GPR39: variants seen among roughly 807,000 people sequenced by gnomAD.
GPR39 encodes zinc sensing receptor.
A neutral mutation model predicts 18.4 loss-of-function variants in GPR39; 23 were observed. The observed-to-expected ratio is 1.25, with a 90% CI of 0.90 to 1.77. The LOEUF (loss-of-function observed/expected upper bound fraction) is 1.77, where lower values mean the gene tolerates loss of function less well. GPR39 is among the 40% of genes most tolerant of loss of function. GPR39 has a pLI of 0.00. For missense variants in GPR39, 647 were observed against 602.4 expected, an observed-to-expected ratio of 1.07 and a Z score of -0.78; for synonymous variants, 280 against 257.9, an observed-to-expected ratio of 1.09 and a Z score of -0.82.
chr2:132,587,991 G>T (rs1240196212), intron 1 of GPR39, among the ~76,000 whole-genome samples: 2 of 152,208 alleles, frequency 1.3e-5, no homozygotes, highest in African/African-American at 4.8e-5. Context: ...CATGGTAAGG[G>T]TGCTGAGGTG....
chr2:132,483,482 C>T (rs957773086), intron 1 of GPR39, among the ~76,000 whole-genome samples: 5 of 152,192 alleles, frequency 3.3e-5, no homozygotes, highest in Non-Finnish European at 5.9e-5. Context: ...TGTATGCCTT[C>T]CATGTTGTGA....
intron 1 of GPR39, among the ~76,000 whole-genome samples, chr2:132,520,553 AACTGATGATGAG>A (rs1354690668): frequency 1.3e-5 from 2 of 152,208 alleles, no homozygotes; most frequent in Admixed American, 1.3e-4. Context: ...TACAAGAGGG[AACTGATGATGAG>A]ACTAAGTCTT....
At chr2:132,603,551 ATGTT>A (rs1438320945) in intron 1 of GPR39, among the ~76,000 whole-genome samples, 1 of 152,184 alleles carries the variant, frequency 6.6e-6, no homozygotes, top group African/African-American at 2.4e-5. Context: ...GAAATGAGAA[ATGTT>A]TGAGGTGATA....
At chr2:132,523,367 T>G (rs1343455122) in intron 1 of GPR39, among the ~76,000 whole-genome samples, 1 of 152,242 alleles carries the variant, frequency 6.6e-6, no homozygotes, top group Non-Finnish European at 1.5e-5. Flanking sequence ...TTCTGATGGT[T>G]AACAGATGAA....
intron 1 of GPR39, among the ~76,000 whole-genome samples, chr2:132,546,471 A>G (rs565622357): frequency 6.6e-6 from 1 of 152,252 alleles, no homozygotes; most frequent in East Asian, 1.9e-4. Context: ...TAATCCTGAG[A>G]CCGTAAGTTG....
At position 132,549,543 on chromosome 2, in the gene GPR39, C is replaced by T. The variant is rs188767285; in HGVS notation, c.857-95558C>T. On this transcript the variant is annotated intron_variant, in intron 1 of 1. Transcript: ENST00000329321. ...GTGGCTCACGCCTGTAATCCCAGCACTTTGGGAGACAGAGGCGGGTGTATC... is the reference window on the plus strand; with the variant it reads ...GTGGCTCACGCCTGTAATCCCAGCATTTTGGGAGACAGAGGCGGGTGTATC... Among the ~76,000 whole-genome samples, 737 of 152,306 alleles carry T rather than the reference C, an allele frequency of 4.8e-3. 5 individuals are homozygous for T. The highest frequency in any genetic ancestry group is 7.8e-3 in the Non-Finnish European group (532 of 68,028).
chr2:132,591,679 T>C (rs974584560), intron 1 of GPR39, among the ~76,000 whole-genome samples: 4 of 152,276 alleles, frequency 2.6e-5, no homozygotes, highest in African/African-American at 9.6e-5. Flanking sequence ...CAATTTATGG[T>C]GGAATTGTAA....
intron 1 of GPR39, among the ~76,000 whole-genome samples, chr2:132,522,795 G>A (rs973000748): frequency 6.6e-5 from 10 of 152,184 alleles, no homozygotes; most frequent in Non-Finnish European, 1.3e-4. Flanking sequence ...TGACTCAGGA[G>A]CCTCCATGTG....
At chr2:132,454,353 G>A (rs1680682054) in intron 1 of GPR39, among the ~76,000 whole-genome samples, 1 of 152,206 alleles carries the variant, frequency 6.6e-6, no homozygotes, top group South Asian at 2.1e-4. Flanking sequence ...CTTTGCTTAA[G>A]TTGCTTATCA....
At chr2:132,434,269 A>AG (rs992559184) in intron 1 of GPR39, among the ~76,000 whole-genome samples, 19 of 152,212 alleles carry the variant, frequency 1.2e-4, no homozygotes, top group African/African-American at 4.3e-4. Context: ...GTTTATAATC[A>AG]GGAACTCCTT....
intron 1 of GPR39, among the ~76,000 whole-genome samples, chr2:132,551,014 G>A (rs544226978): frequency 6.6e-6 from 1 of 152,290 alleles, no homozygotes; most frequent in South Asian, 2.1e-4. Flanking sequence ...AAGTTTGTTG[G>A]TTGTAATATA....
At chr2:132,552,887 C>T (rs957367720) in intron 1 of GPR39, among the ~76,000 whole-genome samples, 8 of 99,068 alleles carry the variant, frequency 8.1e-5, no homozygotes, top group African/African-American at 1.9e-4. Context: ...TATATATATA[C>T]ACACATATAT....
chr2:132,519,186 C>T (rs762046862), intron 1 of GPR39, among the ~76,000 whole-genome samples: 14 of 152,328 alleles, frequency 9.2e-5, no homozygotes, highest in Non-Finnish European at 2.1e-4. Context: ...TCACCATCCA[C>T]CTCCCACACT....
intron 1 of GPR39, among the ~76,000 whole-genome samples, chr2:132,546,839 C>CAAAAAAAAAAAAAAAAAAAAAAAAA (rs60267293): frequency 1.2e-4 from 4 of 33,974 alleles, no homozygotes; most frequent in African/African-American, 2.7e-4. Flanking sequence ...AGCTCCACAG[C>CAAAAAAAAAAAAAAAAAAAAAAAAA]AAAAAAAAAA....
chr2:132,645,168 C>G lies in GPR39; in HGVS notation c.924C>G (p.Ala308=). Residue 308 remains alanine, a synonymous_variant, in exon 2 of 2, where the codon GCC becomes GCG. Coordinates refer to ENST00000329321, the MANE Select transcript of GPR39 (RefSeq NM_001508.3). ...AGATTCGGAGGATCATGGCTGCGGC[C>G]AAACCCAAGCACGACTGGACGAGGT... ...PNQIRRIMAA[A]KPKHDWTRSY... 1 of 1,614,146 alleles carries G rather than the reference C, an allele frequency of 6.2e-7. No homozygotes were observed. Among genetic ancestry groups the G allele is most frequent in the South Asian group, 1.1e-5 (1 of 91,078 alleles).
chr2:132,466,543 G>A (rs1680930326), intron 1 of GPR39, among the ~76,000 whole-genome samples: 1 of 152,106 alleles, frequency 6.6e-6, no homozygotes. Flanking sequence ...AAAATCTCTG[G>A]CAAGTCAGGC....
rs182918244 is a variant in GPR39 at position 132,491,378 on chromosome 2, G to T, written c.856+73480G>T. ...CCTCTTTTTAAAATTTTAATCTTGG[G>T]CCTAATTCTAATATTTAACTTTTCA... On this transcript the variant is annotated intron_variant, in intron 1 of 1. Coordinates refer to ENST00000329321, the MANE Select transcript of GPR39 (RefSeq NM_001508.3). 1.1e-4 allele frequency among the ~76,000 whole-genome samples: 16 copies of T among 152,042 alleles called. No homozygotes were observed. In the South Asian group the frequency reaches 2.1e-3, roughly 20 times the overall value.
At chr2:132,431,770 A>T (rs1271363149) in intron 1 of GPR39, among the ~76,000 whole-genome samples, 6 of 152,134 alleles carry the variant, frequency 3.9e-5, no homozygotes, top group Non-Finnish European at 7.3e-5. Context: ...TGACTACTGT[A>T]TCTTAAGTGG....
At chr2:132,499,005 G>A (rs1039833778) in intron 1 of GPR39, among the ~76,000 whole-genome samples, 1 of 152,242 alleles carries the variant, frequency 6.6e-6, no homozygotes, top group East Asian at 1.9e-4. Flanking sequence ...CCACTCTGTG[G>A]GTTGTCTGTT....
Sources: gnomAD v4.1 joint callset for allele counts (sites outside exome capture counted in the v4.1 genomes callset) on GRCh38, gnomAD v4.1.1 for gene constraint, MANE v1.5 for transcripts, NCBI Gene and HGNC (gene_info 2026-07-23, HGNC 2026-07-21) for gene names.